The following EYA1 variants were observed in gnomAD, a reference collection of about 807,000 sequenced individuals.
EYA1 encodes EYA transcriptional coactivator and phosphatase 1.
In EYA1, 16 loss-of-function variants were observed where a neutral mutation model predicts 82.0. The observed-to-expected ratio is 0.20, with a 90% CI of 0.13 to 0.30. EYA1 has a LOEUF of 0.30. Ranked by LOEUF, EYA1 falls within the 10% of genes least tolerant of loss-of-function variation. The pLI, the probability that EYA1 is intolerant of heterozygous loss-of-function variation, is 1.00. For synonymous variants in EYA1, 261 were observed against 264.4 expected (o/e 0.99, Z 0.12); for missense variants, 633 against 730.7 (o/e 0.87, Z 1.54).
At chr8:71,233,500 C>T (rs1415589709) in intron 12 of EYA1, among the ~76,000 whole-genome samples, 3 of 149,220 alleles carry the variant, frequency 2.0e-5, no homozygotes, top group Non-Finnish European at 4.4e-5. Context: ...GGAGGCAGAG[C>T]TTGCAGTGAG....
intron 2 of EYA1, among the ~76,000 whole-genome samples, chr8:71,481,618 C>T (rs1810171041): frequency 1.3e-5 from 2 of 152,130 alleles, no homozygotes; most frequent in South Asian, 4.1e-4. Flanking sequence ...CTTAACTGGG[C>T]CAATTTCCTT....
At chr8:71,544,162 A>T (rs1815366734) in intron 1 of EYA1, among the ~76,000 whole-genome samples, 1 of 152,158 alleles carries the variant, frequency 6.6e-6, no homozygotes, top group African/African-American at 2.4e-5. Flanking sequence ...CCAAAGGGCA[A>T]CTCATATTAG....
At chr8:71,348,810 C>T (rs1467460570) in intron 3 of EYA1, among the ~76,000 whole-genome samples, 1 of 152,150 alleles carries the variant, frequency 6.6e-6, no homozygotes, top group Non-Finnish European at 1.5e-5. Context: ...CATTACTATT[C>T]CAATGGAGCC....
At chr8:71,410,592 A>G (rs1689685034) in intron 2 of EYA1, among the ~76,000 whole-genome samples, 1 of 112,896 alleles carries the variant, frequency 8.9e-6, no homozygotes, top group Admixed American at 9.7e-5. Context: ...ACAACAGACA[A>G]ACAGAGAGCC....
chr8:71,414,162 T>C lies in EYA1; in HGVS notation c.34-57651A>G, dbSNP rs77496942. ...ATCAGGCACCCATATCAATCAATAG[T>C]TGGATTCTGGCTGTCCCAGAAAGGG... On this transcript the variant is annotated intron_variant, in intron 2 of 18. Coordinates refer to the EYA1 transcript ENST00000643681. Among the ~76,000 whole-genome samples the C allele has an allele frequency of 6.3e-3, 963 of 152,258 alleles. 11 individuals carry two copies. The highest frequency in any genetic ancestry group is 0.022 in the African/African-American group (932 of 41,542).
At chr8:71,250,188 G>A (rs138507304) in intron 11 of EYA1, among the ~76,000 whole-genome samples, 11 of 152,214 alleles carry the variant, frequency 7.2e-5, no homozygotes, top group East Asian at 3.9e-4. Flanking sequence ...CAAAAGACCC[G>A]TATATGTCTA....
At chr8:71,514,514 T>C (rs1476585175) in intron 2 of EYA1, among the ~76,000 whole-genome samples, 1 of 152,190 alleles carries the variant, frequency 6.6e-6, no homozygotes, top group Non-Finnish European at 1.5e-5. Context: ...AAAAGAGGTT[T>C]CATTGGATTT....
At chr8:71,463,607 CTCTCTCTCTCTCTCTCT>C (rs1808543346) in intron 2 of EYA1, among the ~76,000 whole-genome samples, 1 of 137,668 alleles carries the variant, frequency 7.3e-6, no homozygotes, top group African/African-American at 2.8e-5. Context: ...CTCTCTCTCT[CTCTCTCTCTCTCTCTCT>C]CTCTCTCTCC....
At chr8:71,304,473 C>T (rs1391924778) in intron 7 of EYA1, among the ~76,000 whole-genome samples, 1 of 142,570 alleles carries the variant, frequency 7.0e-6, no homozygotes, top group Non-Finnish European at 1.6e-5. Context: ...CAAACTGCCT[C>T]AGAGTCATTA....
chr8:71,232,843 G>T (rs1006693326), intron 12 of EYA1, among the ~76,000 whole-genome samples: 1 of 152,088 alleles, frequency 6.6e-6, no homozygotes, highest in Non-Finnish European at 1.5e-5. Flanking sequence ...CCAGCATTCT[G>T]CATGTAGAAG....
At chr8:71,246,460 C>G (rs1187344763) in intron 11 of EYA1, among the ~76,000 whole-genome samples, 1 of 152,208 alleles carries the variant, frequency 6.6e-6, no homozygotes, top group Non-Finnish European at 1.5e-5. Context: ...ACTTTGTACA[C>G]TATCTACCTT....
intron 9 of EYA1, among the ~76,000 whole-genome samples, chr8:71,287,370 T>C (rs1285599808): frequency 1.3e-5 from 2 of 152,212 alleles, no homozygotes; most frequent in African/African-American, 4.8e-5. Flanking sequence ...ACTGAATTAA[T>C]CTTAGAGAAT....
intron 12 of EYA1, among the ~76,000 whole-genome samples, chr8:71,233,304 C>T (rs554485097): frequency 3.9e-5 from 6 of 152,080 alleles, no homozygotes; most frequent in South Asian, 4.2e-4. Context: ...GTGGCTCATG[C>T]CTGTAATCCC....
At chr8:71,206,536 C>T (rs1337473758) in intron 17 of EYA1, among the ~76,000 whole-genome samples, 3 of 151,892 alleles carry the variant, frequency 2.0e-5, no homozygotes, top group Admixed American at 2.0e-4. Context: ...AAACTTTTCA[C>T]TAAATCTCAC....
chr8:71,300,080 G>A (rs1003933721), intron 7 of EYA1, among the ~76,000 whole-genome samples: 3 of 152,142 alleles, frequency 2.0e-5, no homozygotes, highest in Admixed American at 2.0e-4. Flanking sequence ...CAGATTAGAT[G>A]ATCTTTAAGG....
At chr8:71,401,854 T>C (rs554634961) in intron 2 of EYA1, among the ~76,000 whole-genome samples, 4 of 152,330 alleles carry the variant, frequency 2.6e-5, no homozygotes, top group South Asian at 4.1e-4. Context: ...AAATGAATTA[T>C]AGTTTTTCTC....
chr8:71,486,579 G>C (rs1006001224), intron 2 of EYA1, among the ~76,000 whole-genome samples: 1 of 152,142 alleles, frequency 6.6e-6, no homozygotes, highest in African/African-American at 2.4e-5. Flanking sequence ...TCTCCCTGGG[G>C]ATCCTCCGAA....
At chr8:71,213,824 A>C (rs1354836983) in intron 16 of EYA1, among the ~76,000 whole-genome samples, 1 of 152,176 alleles carries the variant, frequency 6.6e-6, no homozygotes, top group Non-Finnish European at 1.5e-5. Context: ...CCTAAAAGAA[A>C]TCTTGTGTCG....
intron 2 of EYA1, among the ~76,000 whole-genome samples, chr8:71,368,095 A>G (rs1827860351): frequency 6.6e-6 from 1 of 152,216 alleles, no homozygotes; most frequent in African/African-American, 2.4e-5. Flanking sequence ...ATTCTGTTTT[A>G]ATAGTATCAA....
Sources: allele counts gnomAD v4.1 joint callset (sites outside exome capture counted in the v4.1 genomes callset), GRCh38; gene constraint gnomAD v4.1.1; transcripts MANE v1.5; gene names NCBI Gene and HGNC (gene_info 2026-07-23, HGNC 2026-07-21).